EPHA7: variants seen among roughly 807,000 people sequenced by gnomAD.
The protein encoded by EPHA7 is EPH receptor A7.
EPHA7 carries 25 observed loss-of-function variants against 112.6 expected under a neutral mutation model. That is an observed-to-expected ratio of 0.22 (90% CI 0.16 to 0.31). The LOEUF is 0.31. Ranked by LOEUF, EPHA7 falls within the 10% of genes least tolerant of loss-of-function variation. The probability of loss-of-function intolerance (pLI) is 1.00; values close to 1 mark genes in which losing one functional copy is unlikely to be tolerated. For synonymous variants in EPHA7, 437 were observed against 406.5 expected (o/e 1.07, Z -0.90); for missense variants, 962 against 1,212.6 (o/e 0.79, Z 3.07).
intron 3 of EPHA7, among the ~76,000 whole-genome samples, chr6:93,374,225 A>G (rs540971162): frequency 3.9e-4 from 60 of 152,298 alleles, no homozygotes; most frequent in African/African-American, 1.4e-3. Context: ...TCACCTCCTT[A>G]GTGAAGCCAT....
rs757856310 is a variant in EPHA7 at position 93,242,036 on chromosome 6, A to C, written c.*1390T>G. 2 of 206,388 alleles carry C rather than the reference A, an allele frequency of 9.7e-6. 1 individual carries two copies. Among genetic ancestry groups the C allele is most frequent in the South Asian group, 3.8e-4 (2 of 5,302 alleles). 12.8% of individuals were successfully genotyped at this position (206,388 alleles called of 1,614,324 possible). ...AATTCTGGGGTAGTTCATGATTTTC[A>C]TAAGTTTTGAAAGCATTAATCACAA... On this transcript the variant is annotated 3_prime_UTR_variant, in exon 17 of 17. Coordinates refer to ENST00000369303, the MANE Select transcript of EPHA7 (RefSeq NM_004440.4).
chr6:93,340,632 C>T (rs1278964102), intron 5 of EPHA7, among the ~76,000 whole-genome samples: 2 of 151,782 alleles, frequency 1.3e-5, no homozygotes, highest in East Asian at 1.9e-4. Context: ...GACACTCAAC[C>T]TGTAGTAAAA....
intron 14 of EPHA7, among the ~76,000 whole-genome samples, chr6:93,250,977 C>A (rs1359369037): frequency 6.6e-5 from 10 of 151,996 alleles, no homozygotes; most frequent in Admixed American, 6.6e-4. Context: ...TACAGTATGA[C>A]CATTGTAATT....
chr6:93,310,231 G>A (rs1263175875), intron 5 of EPHA7, among the ~76,000 whole-genome samples: 1 of 152,032 alleles, frequency 6.6e-6, no homozygotes, highest in East Asian at 1.9e-4. Context: ...AAAGTTGTAC[G>A]GCCACCCCCA....
chr6:93,287,508 C>T (rs920849537), intron 5 of EPHA7, among the ~76,000 whole-genome samples: 15 of 150,470 alleles, frequency 1.0e-4, no homozygotes, highest in African/African-American at 3.7e-4. Flanking sequence ...TCTAGTTTTT[C>T]TCCTGTCTGG....
At chr6:93,390,304 C>T (rs543028450) in intron 3 of EPHA7, among the ~76,000 whole-genome samples, 8 of 147,888 alleles carry the variant, frequency 5.4e-5, no homozygotes, top group Non-Finnish European at 1.2e-4. Context: ...GTCAACAAAA[C>T]AAATATGAAA....
chr6:93,385,742 T>C (rs539184747), intron 3 of EPHA7, among the ~76,000 whole-genome samples: 11 of 152,184 alleles, frequency 7.2e-5, no homozygotes, highest in Admixed American at 3.3e-4. Flanking sequence ...GCTAGATAGA[T>C]AGATAGATAA....
intron 14 of EPHA7, among the ~76,000 whole-genome samples, chr6:93,248,872 C>T (rs991252910): frequency 8.5e-5 from 13 of 152,048 alleles, no homozygotes; most frequent in Non-Finnish European, 1.5e-4. Context: ...TTTCTACTTC[C>T]CAAATACAAT....
chr6:93,412,084 C>T (rs1280645923), intron 2 of EPHA7, among the ~76,000 whole-genome samples: 1 of 152,022 alleles, frequency 6.6e-6, no homozygotes, highest in Non-Finnish European at 1.5e-5. Context: ...TCAATAAAAT[C>T]ATTTCACCTA....
intron 5 of EPHA7, among the ~76,000 whole-genome samples, chr6:93,345,538 C>T (rs1230304949): frequency 1.3e-5 from 2 of 151,630 alleles, no homozygotes; most frequent in Non-Finnish European, 3.0e-5. Flanking sequence ...ATTATCTCTC[C>T]CTTTGTGATT....
intron 5 of EPHA7, among the ~76,000 whole-genome samples, chr6:93,284,996 T>TA (rs1256416568): frequency 1.6e-4 from 24 of 151,894 alleles, no homozygotes; most frequent in African/African-American, 4.8e-4. Flanking sequence ...AAAGTATAAT[T>TA]AAAAAAAAGT....
At chr6:93,247,982 A>G (rs766093331) in intron 14 of EPHA7, among the ~76,000 whole-genome samples, 95 of 152,166 alleles carry the variant, frequency 6.2e-4, no homozygotes, top group Non-Finnish European at 6.8e-4. Context: ...AGCAAAGGGA[A>G]GAGAACAAGA....
At chr6:93,259,204 A>T in intron 10 of EPHA7, 150 bp downstream of exon 10, 1 of 876,044 alleles carries the variant, frequency 1.1e-6, no homozygotes, top group East Asian at 2.8e-5. Context: ...ATAAGATTTC[A>T]TAAACAAGTA....
chr6:93,270,670 A>C (rs1464175167), intron 6 of EPHA7, among the ~76,000 whole-genome samples: 1 of 151,710 alleles, frequency 6.6e-6, no homozygotes, highest in Non-Finnish European at 1.5e-5. Context: ...TTGCCTTCAC[A>C]GTGAGATTTG....
intron 5 of EPHA7, among the ~76,000 whole-genome samples, chr6:93,291,243 C>T (rs1487168504): frequency 1.3e-5 from 2 of 152,120 alleles, no homozygotes; most frequent in Admixed American, 6.6e-5. Context: ...AAAAGGAATA[C>T]TCTCTACAGT....
intron 5 of EPHA7, among the ~76,000 whole-genome samples, chr6:93,275,877 A>G (rs1299015145): frequency 3.9e-5 from 6 of 152,004 alleles, no homozygotes; most frequent in Non-Finnish European, 8.8e-5. Flanking sequence ...TTTGATCTTA[A>G]TCAATTTCCA....
chr6:93,378,379 T>G (rs1042402969), intron 3 of EPHA7, among the ~76,000 whole-genome samples: 4 of 152,100 alleles, frequency 2.6e-5, no homozygotes, highest in Non-Finnish European at 4.4e-5. Context: ...CATGATGGAT[T>G]AGCAAGAGGC....
chr6:93,283,030 C>T (rs527957622), intron 5 of EPHA7, among the ~76,000 whole-genome samples: 5 of 152,346 alleles, frequency 3.3e-5, no homozygotes, highest in Admixed American at 1.3e-4. Context: ...CCACCTGCGG[C>T]CCCGGTGCGG....
intron 5 of EPHA7, among the ~76,000 whole-genome samples, chr6:93,284,301 T>G (rs1451430998): frequency 2.0e-5 from 3 of 151,506 alleles, no homozygotes; most frequent in Non-Finnish European, 4.4e-5. Context: ...TTCTTCCTCG[T>G]TAGTGGCTTT....
Sources: allele counts gnomAD v4.1 joint callset (sites outside exome capture counted in the v4.1 genomes callset), GRCh38; gene constraint gnomAD v4.1.1; transcripts MANE v1.5; gene names NCBI Gene and HGNC (gene_info 2026-07-23, HGNC 2026-07-21).